Variants in ADGRL1 observed in about 807,000 individuals in gnomAD.
ADGRL1 encodes the protein adhesion G protein-coupled receptor L1.
A neutral mutation model predicts 148.9 loss-of-function variants in ADGRL1; 31 were observed. That is an observed-to-expected ratio of 0.21 (90% CI 0.16 to 0.28). The LOEUF is 0.28. ADGRL1 is among the 10% of genes least tolerant of loss of function. The pLI is 1.00. For synonymous variants in ADGRL1, 937 were observed against 900.3 expected (o/e 1.04, Z -0.73); for missense variants, 1,521 against 2,058.8 (o/e 0.74, Z 5.05).
chr19:14,162,843 G>C lies in ADGRL1; in HGVS notation c.958C>G (p.Leu320Val), dbSNP rs746872554. The change falls in exon 5 of 23, where the codon CTG becomes GTG. Residue 320 changes from leucine to valine, a missense_variant. Transcript: ENST00000361434. The surrounding 1 kb of genome is among the most constrained non-coding windows in gnomAD (Gnocchi z 5.4). Reference sequence around the variant, plus strand: ...ACGTACACGGAACGCAGGACGTACAGGACCCCACACACCATGAAGGCGTTG... The same window carrying C: ...ACGTACACGGAACGCAGGACGTACACGACCCCACACACCATGAAGGCGTTG... ...ASNAFMVCGV[L>V]YVLRSVYVDD... is the part of the protein sequence containing the mutation. 6.2e-7 allele frequency: 1 copy of C among 1,614,076 alleles called. No individual in the cohort carries two copies. Among genetic ancestry groups the C allele is most frequent in the South Asian group, 1.1e-5 (1 of 91,076 alleles).
At position 14,192,798 on chromosome 19, in the gene ADGRL1, G is replaced by A. The variant is rs577820378; in HGVS notation, c.-95-9101C>T. Among the ~76,000 whole-genome samples the A allele has an allele frequency of 7.2e-5, 11 of 152,142 alleles. No individual in the cohort carries two copies. The East Asian group carries it at 9.6e-4, about 13-fold the overall frequency. Reference sequence around the variant, plus strand: ...ACTCCCAACCTCAGATGATCCACGCGCCTCGGCCTCCCAAAGTGCTGAGAT... The same window carrying A: ...ACTCCCAACCTCAGATGATCCACGCACCTCGGCCTCCCAAAGTGCTGAGAT... On this transcript the variant is annotated intron_variant, in intron 1 of 22. Transcript: ENST00000361434.
chr19:14,205,489 G>A (rs1972931650), intron 1 of ADGRL1, among the ~76,000 whole-genome samples: 1 of 151,814 alleles, frequency 6.6e-6, no homozygotes, highest in Admixed American at 6.5e-5. Context: ...TGTGGTGCCA[G>A]CCCCCGACAC....
At chr19:14,194,192 A>C (rs943816640) in intron 1 of ADGRL1, among the ~76,000 whole-genome samples, 12 of 152,230 alleles carry the variant, frequency 7.9e-5, no homozygotes, top group Admixed American at 5.9e-4. Context: ...AGCCTGGGCA[A>C]TAGAGCAAGA....
intron 4 of ADGRL1, chr19:14,167,045 G>A: frequency 3.7e-6 from 6 of 1,605,288 alleles, no homozygotes; most frequent in South Asian, 1.1e-5. Context: ...TTTAAGCATC[G>A]GAAGAGAGAG....
chr19:14,185,399 T>C (rs1568619844), intron 1 of ADGRL1, among the ~76,000 whole-genome samples: 1 of 152,306 alleles, frequency 6.6e-6, no homozygotes, highest in East Asian at 1.9e-4. Flanking sequence ...GTTCAAGTGA[T>C]GCTCCTACTT....
intron 1 of ADGRL1, chr19:14,191,463 T>C: frequency 6.6e-6 from 3 of 456,600 alleles, no homozygotes; most frequent in South Asian, 4.6e-5. Context: ...AAGCATCCCT[T>C]GTCCCCATTG....
chr19:14,156,631 T>A, intron 16 of ADGRL1, 27 bp downstream of exon 16: 1 of 1,597,206 alleles, frequency 6.3e-7, no homozygotes, highest in Non-Finnish European at 8.5e-7. Flanking sequence ...GAAGATGTGG[T>A]GCTAGGGGTG....
chr19:14,165,922 T>A (rs1217444734), intron 4 of ADGRL1, among the ~76,000 whole-genome samples: 1 of 152,028 alleles, frequency 6.6e-6, no homozygotes, highest in African/African-American at 2.4e-5. Context: ...CTCAGATGGG[T>A]AAATTTCCCA....
intron 1 of ADGRL1, among the ~76,000 whole-genome samples, chr19:14,198,223 T>C (rs1431036783): frequency 6.6e-6 from 1 of 151,992 alleles, no homozygotes; most frequent in African/African-American, 2.4e-5. Flanking sequence ...AGGGAGGACT[T>C]TGGCTTTCTA....
rs1408733866 is a variant in ADGRL1, at chr19:14,206,026, T to C, written c.-137A>G. ...TGGGGTCGGCCCAGCGTGTCTCTCC[T>C]GCGGCTCGGCGAACCCGGGCCCCCC... On this transcript the variant is annotated 5_prime_UTR_variant, in exon 1 of 23. Coordinates refer to ENST00000361434, the MANE Select transcript of ADGRL1 (RefSeq NM_014921.5). 6.6e-6 allele frequency: 1 copy of C among 151,180 alleles called. No homozygotes were observed. The highest frequency in any genetic ancestry group is 6.6e-5 in the Admixed American group (1 of 15,248). The allele number at this position is 151,180 out of a possible 1,614,324, so 9.4% of individuals were successfully genotyped here. A position where few individuals can be genotyped will look rare whatever the true frequency, so the allele number is the denominator to read the frequency against.
intron 2 of ADGRL1, among the ~76,000 whole-genome samples, chr19:14,183,244 C>T (rs1002684345): frequency 1.8e-5 from 2 of 113,534 alleles, no homozygotes; most frequent in African/African-American, 3.0e-5. Flanking sequence ...AGAGGAGCAT[C>T]GGCTCACCAA....
In ADGRL1 at chr19:14,190,212, G is replaced by A. The variant is rs141139181; in HGVS notation, c.-95-6515C>T. Among the ~76,000 whole-genome samples the A allele has an allele frequency of 2.6e-5, 4 of 151,424 alleles. No individual in the cohort carries two copies. The East Asian group carries it at 5.9e-4, about 22-fold the overall frequency. ...AGTGCTGCGATTATAGGTATGAGCC[G>A]CCACACCTGGCCTGCTATTATTAAT... On this transcript the variant is annotated intron_variant, in intron 1 of 22. Coordinates refer to ENST00000361434, the MANE Select transcript of ADGRL1 (RefSeq NM_014921.5).
rs755090070 is a variant in ADGRL1 at position 14,177,768 on chromosome 19, G to A, written c.71-24C>T. ...GCCTGCAGGGAGGGTTGGGGATGGT[G>A]TCACTCCTGGGCCTGGGCCAGGAAG... On this transcript the variant is annotated intron_variant, in intron 2 of 22. Coordinates refer to ENST00000361434, the MANE Select transcript of ADGRL1 (RefSeq NM_014921.5). 4.4e-6 allele frequency: 7 copies of A among 1,596,354 alleles called. No individual in the cohort carries two copies. The Admixed American group carries it at 1.2e-4, about 27-fold the overall frequency.
intron 1 of ADGRL1, among the ~76,000 whole-genome samples, chr19:14,189,489 T>C (rs1189864308): frequency 6.6e-6 from 1 of 152,138 alleles, no homozygotes; most frequent in African/African-American, 2.4e-5. Context: ...CTTGGCCTCG[T>C]AAAGTGCTGG....
chr19:14,191,152 C>T, intron 1 of ADGRL1: 1 of 456,656 alleles, frequency 2.2e-6, no homozygotes, highest in Non-Finnish European at 4.4e-6. Context: ...CCTCCAACAC[C>T]TCTGACTCCC....
chr19:14,192,046 C>T (rs1476830112), intron 1 of ADGRL1, among the ~76,000 whole-genome samples: 1 of 152,020 alleles, frequency 6.6e-6, no homozygotes, highest in African/African-American at 2.4e-5. Context: ...GGGGCCCCAC[C>T]CTTAAGATCT....
intron 2 of ADGRL1, among the ~76,000 whole-genome samples, chr19:14,179,539 C>T (rs1472043441): frequency 6.6e-6 from 1 of 151,936 alleles, no homozygotes; most frequent in African/African-American, 2.4e-5. Context: ...CAGAAGGAAC[C>T]AACCCTGGCT....
chr19:14,165,114 G>C (rs1969828819), intron 4 of ADGRL1, among the ~76,000 whole-genome samples: 1 of 152,182 alleles, frequency 6.6e-6, no homozygotes, highest in Non-Finnish European at 1.5e-5. Flanking sequence ...GGGAGGGAGG[G>C]GGACAGGCAG....
Position 14,159,243 on chromosome 19 carries a change from A to G in ADGRL1, c.2024-28T>C. Reference sequence around the variant, plus strand: ...GTGGGGACAGGGGAAGGCAAGGCATACACAGTTGGGGTCTGTTCCCAGTCC... The same window carrying G: ...GTGGGGACAGGGGAAGGCAAGGCATGCACAGTTGGGGTCTGTTCCCAGTCC... On this transcript the variant is annotated intron_variant, in intron 10 of 22. Transcript: ENST00000361434. The surrounding 1 kb of genome is among the most constrained non-coding windows in gnomAD (Gnocchi z 6.0). 1 of 1,613,068 alleles carries G rather than the reference A, an allele frequency of 6.2e-7. No individual in the cohort carries two copies. The highest frequency in any genetic ancestry group is 8.5e-7 in the Non-Finnish European group (1 of 1,179,352).
Sources: gnomAD v4.1 joint callset for allele counts (sites outside exome capture counted in the v4.1 genomes callset) on GRCh38, gnomAD v4.1.1 for gene constraint, Gnocchi (gnomAD v3.1) non-coding constraint, MANE v1.5 for transcripts, NCBI Gene and HGNC (gene_info 2026-07-23, HGNC 2026-07-21) for gene names.